PLEKHA8: variants seen among roughly 807,000 people sequenced by gnomAD.
PLEKHA8 encodes the protein pleckstrin homology domain-containing family A member 8.
PLEKHA8 carries 36 observed loss-of-function variants against 68.2 expected under a neutral mutation model. The observed-to-expected ratio is 0.53, with a 90% CI of 0.40 to 0.70. The LOEUF (loss-of-function observed/expected upper bound fraction) is 0.70, where lower values mean the gene tolerates loss of function less well. Ranked by LOEUF, PLEKHA8 falls within the 30% of genes least tolerant of loss-of-function variation. The pLI is 0.00. For synonymous variants in PLEKHA8, 211 were observed against 216.1 expected, an observed-to-expected ratio of 0.98 and a Z score of 0.20; for missense variants, 505 against 615.4, an observed-to-expected ratio of 0.82 and a Z score of 1.90.
intron 13 of PLEKHA8, among the ~76,000 whole-genome samples, chr7:30,118,639 G>A (rs1025972647): frequency 3.3e-5 from 5 of 150,832 alleles, no homozygotes; most frequent in African/African-American, 1.2e-4. Flanking sequence ...GTGCAGTGGC[G>A]CGATCTCGGC....
chr7:30,129,264 AG>A lies in PLEKHA8; in HGVS notation c.1363del. Reference sequence around the variant, plus strand: ...GTCCTTCCCTCTTTTATCCTGGTGTAGGTGTAGGAATGTGGGTGTAGACGGA... The same window carrying A: ...GTCCTTCCCTCTTTTATCCTGGTGTAGTGTAGGAATGTGGGTGTAGACGGA... On this transcript the variant is annotated splice_acceptor_variant, in intron 13 of 13. Transcript: ENST00000396257. LOFTEE classifies it high-confidence loss of function. 6.2e-7 allele frequency: 1 copy of A among 1,612,836 alleles called. No homozygotes were observed. Among genetic ancestry groups the A allele is most frequent in the South Asian group, 1.1e-5 (1 of 91,084 alleles).
chr7:30,120,636 G>A (rs1796681655), intron 13 of PLEKHA8, among the ~76,000 whole-genome samples: 1 of 152,164 alleles, frequency 6.6e-6, no homozygotes, highest in South Asian at 2.1e-4. Flanking sequence ...TGGAGAAATT[G>A]GAAAAAACAC....
intron 12 of PLEKHA8, among the ~76,000 whole-genome samples, chr7:30,063,213 A>G (rs1312935353): frequency 6.6e-6 from 1 of 152,206 alleles, no homozygotes; most frequent in Admixed American, 6.5e-5. Flanking sequence ...TGTGCGTCCC[A>G]GTTTCTAGTC....
At chr7:30,060,795 G>A in intron 9 of PLEKHA8, 89 bp from the exon 10 acceptor site, 1 of 1,016,072 alleles carries the variant, frequency 9.8e-7, no homozygotes, top group Non-Finnish European at 1.5e-6. Flanking sequence ...AGTTGTTGGG[G>A]ATCTGCTAAA....
At chr7:30,126,912 C>T (rs968741174) in intron 13 of PLEKHA8, among the ~76,000 whole-genome samples, 2 of 152,220 alleles carry the variant, frequency 1.3e-5, no homozygotes, top group Non-Finnish European at 2.9e-5. Flanking sequence ...ATGGGAGCTA[C>T]AATTCAAGAT....
chr7:30,091,938 G>A (rs975240505), downstream of PLEKHA8, among the ~76,000 whole-genome samples: 1 of 152,180 alleles, frequency 6.6e-6, no homozygotes, highest in African/African-American at 2.4e-5. Flanking sequence ...GAATGGAGCA[G>A]TAAACTTTAT....
intron 13 of PLEKHA8, among the ~76,000 whole-genome samples, chr7:30,096,775 A>T (rs551022893): frequency 1.3e-5 from 2 of 152,230 alleles, no homozygotes; most frequent in African/African-American, 4.8e-5. Context: ...TTGACTCTTT[A>T]TCCAATTTAC....
chr7:30,095,621 T>A (rs200614617), downstream of PLEKHA8, among the ~76,000 whole-genome samples: 29 of 152,368 alleles, frequency 1.9e-4, no homozygotes, highest in East Asian at 5.2e-3. Flanking sequence ...CTGAATGGTA[T>A]TGCCTAGGTT....
At chr7:30,097,937 T>A (rs1350204779) in intron 13 of PLEKHA8, among the ~76,000 whole-genome samples, 1 of 152,222 alleles carries the variant, frequency 6.6e-6, no homozygotes, top group Admixed American at 6.5e-5. Context: ...CTGCTCTGTT[T>A]TTTCCCCATC....
intron 7 of PLEKHA8, among the ~76,000 whole-genome samples, chr7:30,053,196 A>G (rs1792562944): frequency 6.6e-6 from 1 of 152,156 alleles, no homozygotes; most frequent in African/African-American, 2.4e-5. Flanking sequence ...AGTGTGTAAA[A>G]TTACAGCAGT....
chr7:30,047,699 T>G (rs1792063210), intron 3 of PLEKHA8, 133 bp from the exon 4 acceptor site: 1 of 930,200 alleles, frequency 1.1e-6, no homozygotes, highest in Admixed American at 3.8e-5. Flanking sequence ...CAACCCATAC[T>G]TTAAAGATTT....
chr7:30,028,456 C>T lies in PLEKHA8; in HGVS notation c.-307C>T, dbSNP rs941432122. 3 of 305,898 alleles carry T rather than the reference C, an allele frequency of 9.8e-6. No homozygotes were observed. Among genetic ancestry groups the T allele is most frequent in the African/African-American group, 6.5e-5 (3 of 45,950 alleles). 18.9% of individuals were successfully genotyped at this position (305,898 alleles called of 1,614,324 possible). On this transcript the variant is annotated 5_prime_UTR_variant, in exon 1 of 14. Transcript: ENST00000449726. ...TGCGACCGGCAGCTCGTTCGCCGCA[C>T]TTTGGAGGCTTCGGCTGCCCCTCCG...
At chr7:30,049,478 A>G in intron 5 of PLEKHA8, 96 bp downstream of exon 5, 1 of 1,451,804 alleles carries the variant, frequency 6.9e-7, no homozygotes, top group Non-Finnish European at 9.2e-7. Context: ...AGTGACTTAT[A>G]AAGACAGTTT....
chr7:30,074,877 T>C (rs980521962), intron 13 of PLEKHA8, among the ~76,000 whole-genome samples: 1 of 152,212 alleles, frequency 6.6e-6, no homozygotes, highest in African/African-American at 2.4e-5. Context: ...CTGAGACTCT[T>C]AGTCTCCTGG....
At chr7:30,120,176 A>AC (rs1236364427) in intron 13 of PLEKHA8, among the ~76,000 whole-genome samples, 26 of 152,008 alleles carry the variant, frequency 1.7e-4, no homozygotes, top group African/African-American at 5.1e-4. Flanking sequence ...AAAACAAAAA[A>AC]AAAAACAGAA....
chr7:30,093,031 T>C (rs1043365074), downstream of PLEKHA8, among the ~76,000 whole-genome samples: 2 of 152,182 alleles, frequency 1.3e-5, no homozygotes, highest in Non-Finnish European at 2.9e-5. Flanking sequence ...GTCCAAGATA[T>C]GCCTTTGGTG....
At position 30,080,538 on chromosome 7, in the gene PLEKHA8, C is replaced by T; in HGVS notation, c.*1751C>T. The T allele has an allele frequency of 1.0e-6, 1 of 985,278 alleles. No homozygotes were observed. The highest frequency in any genetic ancestry group is 1.2e-6 in the Non-Finnish European group (1 of 829,890). 61.0% of individuals were successfully genotyped at this position (985,278 alleles called of 1,614,324 possible). A position where few individuals can be genotyped will look rare whatever the true frequency, so the allele number is the denominator to read the frequency against. ...ATGTAGGGAGGGGTATTGGTTTTGC[C>T]TTTGTGTGTCTTTAAACAAATGAAC... On this transcript the variant is annotated 3_prime_UTR_variant, in exon 14 of 14. Transcript: ENST00000449726.
At chr7:30,089,595 G>A (rs1233956166), downstream of PLEKHA8, among the ~76,000 whole-genome samples, 1 of 152,204 alleles carries the variant, frequency 6.6e-6, no homozygotes, top group East Asian at 1.9e-4. Context: ...GAACAGAGCT[G>A]CTCACCTTAA....
intron 7 of PLEKHA8, among the ~76,000 whole-genome samples, chr7:30,054,357 G>C (rs1159248109): frequency 6.6e-6 from 1 of 152,136 alleles, no homozygotes; most frequent in African/African-American, 2.4e-5. Context: ...TATAGAATGT[G>C]CTAATAATGA....
Sources: allele counts gnomAD v4.1 joint callset (sites outside exome capture counted in the v4.1 genomes callset), GRCh38; gene constraint gnomAD v4.1.1; transcripts MANE v1.5; gene names NCBI Gene and HGNC (gene_info 2026-07-23, HGNC 2026-07-21).